RIMBP2: variants seen among roughly 807,000 people sequenced by gnomAD.
The protein encoded by RIMBP2 is RIMS binding protein 2.
In RIMBP2, 48 loss-of-function variants were observed where a neutral mutation model predicts 118.6. That is an observed-to-expected ratio of 0.40 (90% CI 0.32 to 0.51). The LOEUF (loss-of-function observed/expected upper bound fraction) is 0.51, where lower values mean the gene tolerates loss of function less well. Ranked by LOEUF, RIMBP2 falls within the 20% of genes least tolerant of loss-of-function variation. RIMBP2 has a pLI of 0.41. For synonymous variants in RIMBP2, 762 were observed against 742.9 expected, an observed-to-expected ratio of 1.03 and a Z score of -0.42; for missense variants, 1,551 against 1,768.3, an observed-to-expected ratio of 0.88 and a Z score of 2.20.
At chr12:130,651,448 C>T (rs1023243705) in intron 1 of RIMBP2, 3 of 152,204 alleles carry the variant, frequency 2.0e-5, no homozygotes, top group Middle Eastern at 3.2e-3. Flanking sequence ...TGTATGAAGC[C>T]GTGTCATGCT....
intron 1 of RIMBP2, chr12:130,659,991 G>C (rs1039138016): frequency 6.7e-6 from 1 of 149,166 alleles, no homozygotes; most frequent in African/African-American, 2.5e-5. Context: ...AAAAAAAAGA[G>C]TTATTAATAC....
intron 2 of RIMBP2, among the ~76,000 whole-genome samples, chr12:130,524,332 A>AG (rs1402060804): frequency 6.7e-6 from 1 of 149,490 alleles, no homozygotes; most frequent in African/African-American, 2.4e-5. Flanking sequence ...CCAGATTCCC[A>AG]GTGGCCTCAA....
At chr12:130,610,011 CACAGGCACCCCAAAAAAT>C (rs2060414700) in intron 2 of RIMBP2, among the ~76,000 whole-genome samples, 1 of 152,230 alleles carries the variant, frequency 6.6e-6, no homozygotes, top group Admixed American at 6.5e-5. Context: ...GAAACGCCCT[CACAGGCACCCCAAAAAAT>C]AGTGTGTGGC....
chr12:130,537,460 C>T (rs1312941963), intron 2 of RIMBP2, among the ~76,000 whole-genome samples: 1 of 152,190 alleles, frequency 6.6e-6, no homozygotes, highest in Non-Finnish European at 1.5e-5. Flanking sequence ...TTGGAGGCCT[C>T]CCAGAACCCC....
chr12:130,634,740 T>TA (rs1198210300), intron 1 of RIMBP2, among the ~76,000 whole-genome samples: 1 of 151,984 alleles, frequency 6.6e-6, no homozygotes, highest in Admixed American at 6.6e-5. Flanking sequence ...TACCAGTGCT[T>TA]ACCACCATGC....
chr12:130,686,282 G>T (rs1286152117), intron 1 of RIMBP2, among the ~76,000 whole-genome samples: 1 of 152,170 alleles, frequency 6.6e-6, no homozygotes, highest in African/African-American at 2.4e-5. Context: ...CACTCAGGAG[G>T]ACAATGGGTT....
Position 130,414,183 on chromosome 12 carries a change from G to T in RIMBP2, c.3362C>A (p.Ser1121Tyr). 6.2e-7 allele frequency: 1 copy of T among 1,614,220 alleles called. No homozygotes were observed. The highest frequency in any genetic ancestry group is 8.5e-7 in the Non-Finnish European group (1 of 1,180,048). The change falls in exon 18 of 23, where the codon TCC (serine) becomes TAC (tyrosine). Residue 1121 changes from serine to tyrosine, a missense_variant. This residue lies in a region of RIMBP2 where 1,038 missense variants were observed against 1,125.1 expected (regional missense o/e 0.92). Transcript: ENST00000690449. ...CTCCTCTGCAGCATCTGGGTTTGGG[G>T]ACATGGTGAGCGGGTCGTAGTCAAA... ...ALFDYDPLTM[S>Y]PNPDAAEEEL...
chr12:130,409,881 G>A (rs183651906), intron 19 of RIMBP2, among the ~76,000 whole-genome samples: 322 of 152,310 alleles, frequency 2.1e-3, no homozygotes, highest in African/African-American at 7.1e-3. Flanking sequence ...GTGTGTGAAC[G>A]TAAGTTTCCC....
intron 5 of RIMBP2, among the ~76,000 whole-genome samples, chr12:130,474,038 T>C (rs1035629248): frequency 6.6e-6 from 1 of 152,192 alleles, no homozygotes; most frequent in African/African-American, 2.4e-5. Context: ...CACTGGATTA[T>C]CATAATTGCC....
At chr12:130,635,466 A>G (rs1049508916) in intron 1 of RIMBP2, among the ~76,000 whole-genome samples, 20 of 152,216 alleles carry the variant, frequency 1.3e-4, no homozygotes, top group Non-Finnish European at 2.1e-4. Flanking sequence ...TTCTGATTAC[A>G]GTGGCTTAAG....
chr12:130,414,350 AC>A, intron 17 of RIMBP2, 44 bp from the exon 18 acceptor site: 1 of 1,522,006 alleles, frequency 6.6e-7, no homozygotes, highest in South Asian at 1.3e-5. Flanking sequence ...AGTGAGCCTA[AC>A]TGAGGAGCGT....
chr12:130,463,587 T>C (rs1050680713), intron 6 of RIMBP2, among the ~76,000 whole-genome samples: 1 of 152,062 alleles, frequency 6.6e-6, no homozygotes, highest in African/African-American at 2.4e-5. Context: ...GCGGCTGGCA[T>C]CCAAACGGGG....
At chr12:130,408,103 G>A (rs2075346389) in intron 19 of RIMBP2, among the ~76,000 whole-genome samples, 1 of 152,158 alleles carries the variant, frequency 6.6e-6, no homozygotes, top group African/African-American at 2.4e-5. Context: ...AAACCAGTGA[G>A]ACTCACATGA....
chr12:130,609,724 A>G (rs2060395060), intron 2 of RIMBP2, among the ~76,000 whole-genome samples: 1 of 152,218 alleles, frequency 6.6e-6, no homozygotes, highest in African/African-American at 2.4e-5. Flanking sequence ...TGAGAACTGC[A>G]GAAGCCAACG....
Position 130,442,509 on chromosome 12 carries a change from G to A in RIMBP2, c.843C>T (p.Ile281=). 6.2e-7 allele frequency: 1 copy of A among 1,614,178 alleles called. No homozygotes were observed. Among genetic ancestry groups the A allele is most frequent in the Non-Finnish European group, 8.5e-7 (1 of 1,180,032 alleles). Residue 281 remains isoleucine, a synonymous_variant, in exon 11 of 23, where the codon ATC becomes ATT. Coordinates refer to ENST00000690449, the MANE Select transcript of RIMBP2 (RefSeq NM_001393629.1). This position sits in a 1 kb window ranked among gnomAD's most constrained non-coding sequence, Gnocchi z 6.9. ...HSGIGLEGEH[I]LDLHSPTHID... ...TGTGGGTTGGGGAGTGGAGGTCCAG[G>A]ATGTGCTCTCCCTCCAGGCCGATGC...
chr12:130,716,162 C>T (rs1024269885), intron 1 of RIMBP2, 60 bp downstream of exon 1: 1 of 152,222 alleles, frequency 6.6e-6, no homozygotes, highest in Non-Finnish European at 1.5e-5. Context: ...AGCTCGGGTG[C>T]AGAAAGGCGA....
At chr12:130,619,984 G>A (rs907397320) in intron 2 of RIMBP2, among the ~76,000 whole-genome samples, 10 of 152,258 alleles carry the variant, frequency 6.6e-5, no homozygotes, top group Admixed American at 2.6e-4. Flanking sequence ...GCAGGTGTGC[G>A]ACGCTGTGCT....
At chr12:130,438,337 C>CGGGGGGG in intron 12 of RIMBP2, 28 bp downstream of exon 12, 3 of 1,214,090 alleles carry the variant, frequency 2.5e-6, no homozygotes, top group Non-Finnish European at 3.6e-6. Flanking sequence ...CCTAACAAAC[C>CGGGGGGG]CTCCCCACCC....
intron 21 of RIMBP2, among the ~76,000 whole-genome samples, chr12:130,404,744 T>C (rs2075003654): frequency 6.6e-6 from 1 of 152,178 alleles, no homozygotes; most frequent in Admixed American, 6.5e-5. Flanking sequence ...TTCCAAAAGC[T>C]AAATGTACAT....
Sources: allele counts gnomAD v4.1 joint callset (sites outside exome capture counted in the v4.1 genomes callset), GRCh38; gene constraint gnomAD v4.1.1; regional missense constraint gnomAD v4.1.1; non-coding constraint Gnocchi (gnomAD v3.1); transcripts MANE v1.5; gene names NCBI Gene and HGNC (gene_info 2026-07-23, HGNC 2026-07-21).